Variants in ABHD2 observed in about 807,000 individuals in gnomAD.
The protein encoded by ABHD2 is monoacylglycerol lipase ABHD2.
ABHD2 carries 20 observed loss-of-function variants against 48.1 expected under a neutral mutation model. The observed-to-expected ratio is 0.42, with a 90% confidence interval of 0.29 to 0.60. The LOEUF is 0.60. Ranked by LOEUF, ABHD2 falls within the 20% of genes least tolerant of loss-of-function variation. The pLI is 0.24. For synonymous variants in ABHD2, 209 were observed against 214.2 expected, an observed-to-expected ratio of 0.98 and a Z score of 0.21; for missense variants, 405 against 550.9, an observed-to-expected ratio of 0.74 and a Z score of 2.65.
chr15:89,056,126 T>TAC, the ABHD2 span, among the ~76,000 whole-genome samples: 1 of 152,242 alleles, frequency 6.6e-6, no homozygotes, highest in East Asian at 1.9e-4. Flanking sequence ...GTGCTGGGAT[T>TAC]ACAGATGTGA....
At chr15:89,073,757 G>C in the ABHD2 span, among the ~76,000 whole-genome samples, 593 of 152,244 alleles carry the variant, frequency 3.9e-3, 3 homozygotes, top group African/African-American at 0.011. Flanking sequence ...CTAATATCAT[G>C]ATATCGATCC....
chr15:89,158,774 G>A (rs1473327387), intron 5 of ABHD2, among the ~76,000 whole-genome samples: 3 of 152,006 alleles, frequency 2.0e-5, no homozygotes, highest in Middle Eastern at 3.4e-3. Context: ...GTGAAGTAGT[G>A]CAATCATGGC....
At chr15:89,117,200 A>C (rs544664605) in intron 3 of ABHD2, among the ~76,000 whole-genome samples, 16 of 152,184 alleles carry the variant, frequency 1.1e-4, no homozygotes, top group Non-Finnish European at 1.8e-4. Flanking sequence ...TAATTTTTGT[A>C]TTTTTAGTAG....
intron 3 of ABHD2, chr15:89,136,092 A>AT (rs35713906): frequency 0.037 from 6,248 of 167,004 alleles, 13 homozygotes; most frequent in South Asian, 0.11. Flanking sequence ...ATGCCTGGCA[A>AT]TTTTTTTTTT....
chr15:89,200,804 C>T lies in ABHD2; in HGVS notation c.*5381C>T, dbSNP rs570684220. The stretch of plus-strand genomic sequence containing the variant: ...TCCCTAGAAAGAATCCAATGAAGGC[C>T]GGGCATAGTGGCTCACTCCTGTAAT... On this transcript the variant is annotated 3_prime_UTR_variant, in exon 11 of 11. Transcript: ENST00000352732. The T allele has an allele frequency of 4.6e-5, 12 of 260,300 alleles. No homozygotes were observed. Among genetic ancestry groups the T allele is most frequent in the South Asian group, 3.3e-4 (5 of 15,024 alleles). The allele number at this position is 260,300 out of a possible 1,614,324, so 16.1% of individuals were successfully genotyped here.
At chr15:89,085,123 T>A (rs114529874), upstream of ABHD2, among the ~76,000 whole-genome samples, 3 of 152,186 alleles carry the variant, frequency 2.0e-5, no homozygotes, top group Non-Finnish European at 4.4e-5. This position sits in a 1 kb window ranked among gnomAD's most constrained non-coding sequence, Gnocchi z 4.2. Flanking sequence ...CTCAGGTTAG[T>A]AAATCCTGCA....
At chr15:89,059,636 A>T in the ABHD2 span, among the ~76,000 whole-genome samples, 1 of 152,148 alleles carries the variant, frequency 6.6e-6, no homozygotes, top group Non-Finnish European at 1.5e-5. Context: ...CTACCCCATA[A>T]TATACAGAAT....
chr15:89,046,382 G>A, the ABHD2 span, among the ~76,000 whole-genome samples: 38 of 152,100 alleles, frequency 2.5e-4, no homozygotes, highest in Middle Eastern at 3.4e-3. Context: ...TCTCTGCCCG[G>A]CTTTGGTATC....
chr15:89,127,838 CA>C (rs2050160358), intron 3 of ABHD2, among the ~76,000 whole-genome samples: 1 of 151,794 alleles, frequency 6.6e-6, no homozygotes, highest in South Asian at 2.1e-4. Context: ...CTATATCACA[CA>C]CAATACTTTT....
chr15:89,086,888 TC>T (rs1425685322), upstream of ABHD2, among the ~76,000 whole-genome samples: 2 of 152,186 alleles, frequency 1.3e-5, no homozygotes, highest in Non-Finnish European at 2.9e-5. Flanking sequence ...GTTTTTCTTT[TC>T]CAAGATGAAA....
chr15:89,071,346 G>A, the ABHD2 span, among the ~76,000 whole-genome samples: 46 of 152,224 alleles, frequency 3.0e-4, no homozygotes, highest in Admixed American at 1.0e-3. Flanking sequence ...GCTTGAACCC[G>A]GGAGGTGGAG....
In ABHD2 at chr15:89,137,612, C is replaced by T. The variant is rs1260932163; in HGVS notation, c.195-14065C>T. Among the ~76,000 whole-genome samples the T allele has an allele frequency of 6.6e-6, 1 of 152,168 alleles. No individual in the cohort carries two copies. The highest frequency in any genetic ancestry group is 1.9e-4 in the East Asian group (1 of 5,196). On this transcript the variant is annotated intron_variant, in intron 3 of 10. Transcript: ENST00000352732. The surrounding 1 kb of genome is among the most constrained non-coding windows in gnomAD (Gnocchi z 4.8). ...TTTGGTCATTTCAGGCAGAAACAGT[C>T]TCTGCATTGGAATTTTCCTGTGCAG...
At position 89,094,693 on chromosome 15, in the gene ABHD2, G is replaced by A. The variant is rs1301461626; in HGVS notation, c.-107+6130G>A. ...ACTGCACTCCAGCCTGGGCGGCAGAGCAAGACTCCGTCTCAAAACAGCAAC... is the reference window on the plus strand; with the variant it reads ...ACTGCACTCCAGCCTGGGCGGCAGAACAAGACTCCGTCTCAAAACAGCAAC... On this transcript the variant is annotated intron_variant, in intron 1 of 10. Transcript: ENST00000352732. The surrounding 1 kb of genome is among the most constrained non-coding windows in gnomAD (Gnocchi z 4.7). 6.6e-6 allele frequency among the ~76,000 whole-genome samples: 1 copy of A among 151,960 alleles called. No homozygotes were observed. The highest frequency in any genetic ancestry group is 1.5e-5 in the Non-Finnish European group (1 of 67,986).
At chr15:89,118,566 A>G (rs1420902900) in intron 3 of ABHD2, among the ~76,000 whole-genome samples, 1 of 152,104 alleles carries the variant, frequency 6.6e-6, no homozygotes, top group Non-Finnish European at 1.5e-5. Flanking sequence ...GGACTGCTAG[A>G]CCCAGTTCTT....
At position 89,202,048 on chromosome 15, in the gene ABHD2, A is replaced by G. The variant is rs2051471262; in HGVS notation, c.*6625A>G. The G allele has an allele frequency of 8.5e-6, 3 of 351,880 alleles. No homozygotes were observed. Among genetic ancestry groups the G allele is most frequent in the Non-Finnish European group, 1.6e-5 (3 of 191,898 alleles). 21.8% of individuals were successfully genotyped at this position (351,880 alleles called of 1,614,324 possible). The stretch of plus-strand genomic sequence containing the variant: ...CTTAAAATGCTGCCCCGAAAATACT[A>G]TATTTTTGAGTTTGTGTTCTGAAAG... On this transcript the variant is annotated 3_prime_UTR_variant, in exon 11 of 11. Transcript: ENST00000352732.
chr15:89,058,232 G>A, the ABHD2 span, among the ~76,000 whole-genome samples: 8 of 151,970 alleles, frequency 5.3e-5, no homozygotes, highest in African/African-American at 7.3e-5. Flanking sequence ...ACCCACCCAC[G>A]CTCATCCTTT....
intron 6 of ABHD2, among the ~76,000 whole-genome samples, chr15:89,180,965 C>T (rs886158389): frequency 1.3e-5 from 2 of 152,108 alleles, no homozygotes; most frequent in Non-Finnish European, 2.9e-5. Context: ...CGGTGGCTCA[C>T]GCCTGGAATC....
chr15:89,104,551 C>T lies in ABHD2; in HGVS notation c.-106-9174C>T, dbSNP rs528006599. 2.4e-3 allele frequency among the ~76,000 whole-genome samples: 365 copies of T among 152,256 alleles called. 1 individual carries two copies. The highest frequency in any genetic ancestry group is 8.4e-3 in the African/African-American group (348 of 41,540). On this transcript the variant is annotated intron_variant, in intron 1 of 10. Coordinates refer to ENST00000352732, the MANE Select transcript of ABHD2 (RefSeq NM_152924.5). The surrounding 1 kb of genome is among the most constrained non-coding windows in gnomAD (Gnocchi z 4.4). ...ACTGGGAGCCTTGTCTGCTCCCAGT[C>T]GGCGTTGGGAAACCAGAACGCTCAG...
rs534047496 is a variant in ABHD2, at chr15:89,168,970, T to A, written c.539-6842T>A. On this transcript the variant is annotated intron_variant, in intron 5 of 10. Coordinates refer to ENST00000352732, the MANE Select transcript of ABHD2 (RefSeq NM_152924.5). The surrounding 1 kb of genome is among the most constrained non-coding windows in gnomAD (Gnocchi z 4.8). ...AGCTGGGTTTGGTGGCATGTGCCTA[T>A]AGTCCCAGCTACTCAAGAGGCTAAG... 6.6e-6 allele frequency among the ~76,000 whole-genome samples: 1 copy of A among 152,244 alleles called. No individual in the cohort carries two copies. The highest frequency in any genetic ancestry group is 1.9e-4 in the East Asian group (1 of 5,184).
Sources: gnomAD v4.1 joint callset for allele counts (sites outside exome capture counted in the v4.1 genomes callset) on GRCh38, gnomAD v4.1.1 for gene constraint, Gnocchi (gnomAD v3.1) non-coding constraint, MANE v1.5 for transcripts, NCBI Gene and HGNC (gene_info 2026-07-23, HGNC 2026-07-21) for gene names.